Variants in CCDC181 observed in about 807,000 individuals in gnomAD.
CCDC181 encodes coiled-coil domain-containing protein 181.
A neutral mutation model predicts 58.7 loss-of-function variants in CCDC181; 35 were observed. The ratio of observed to expected loss-of-function variants is 0.60; its 90% CI spans 0.46 to 0.79. CCDC181 has a LOEUF of 0.79. Ranked by LOEUF, CCDC181 falls within the 30% of genes least tolerant of loss-of-function variation. CCDC181 has a pLI of 0.00. For synonymous variants in CCDC181, 183 were observed against 197.5 expected (o/e 0.93, Z 0.62); for missense variants, 517 against 583.9 (o/e 0.89, Z 1.18).
intron 2 of CCDC181, among the ~76,000 whole-genome samples, chr1:169,440,407 T>C (rs1201014517): frequency 6.6e-6 from 1 of 152,154 alleles, no homozygotes. Flanking sequence ...AGAATTCCAA[T>C]AGAGAAAGAG....
At chr1:169,443,465 T>G (rs1657289607) in intron 2 of CCDC181, 1 of 152,136 alleles carries the variant, frequency 6.6e-6, no homozygotes, top group Non-Finnish European at 1.5e-5. Context: ...GAATCAGAAT[T>G]TAGCTTTTGA....
At chr1:169,438,986 T>C (rs1198894122) in intron 2 of CCDC181, among the ~76,000 whole-genome samples, 1 of 152,140 alleles carries the variant, frequency 6.6e-6, no homozygotes, top group African/African-American at 2.4e-5. Context: ...CTCCCTGAAA[T>C]CTTCCTGATG....
At chr1:169,400,979 A>C (rs1655310075) in intron 4 of CCDC181, among the ~76,000 whole-genome samples, 1 of 152,238 alleles carries the variant, frequency 6.6e-6, no homozygotes, top group South Asian at 2.1e-4. Context: ...CGGTCTTAGC[A>C]AACGGCACAT....
chr1:169,413,051 G>T (rs1656048734), intron 4 of CCDC181, among the ~76,000 whole-genome samples: 1 of 152,186 alleles, frequency 6.6e-6, no homozygotes, highest in South Asian at 2.1e-4. Context: ...AAGAGCTTCT[G>T]CACAGCAAAA....
intron 3 of CCDC181, 136 bp from the exon 4 acceptor site, chr1:169,419,295 C>T: frequency 9.3e-7 from 1 of 1,074,264 alleles, no homozygotes; most frequent in Non-Finnish European, 1.3e-6. Flanking sequence ...ACTGGTCCTT[C>T]TAGGCCAGAC....
intron 2 of CCDC181, among the ~76,000 whole-genome samples, chr1:169,453,450 A>C (rs569002494): frequency 6.6e-5 from 10 of 152,136 alleles, no homozygotes; most frequent in African/African-American, 2.2e-4. Context: ...ACCCTTTCCT[A>C]GTCTAATATA....
chr1:169,451,174 T>A (rs1657525721), intron 2 of CCDC181: 1 of 152,106 alleles, frequency 6.6e-6, no homozygotes, highest in African/African-American at 2.4e-5. Flanking sequence ...TTTTTCTTTA[T>A]GGCCCTAGGA....
Position 169,444,200 on chromosome 1 carries a change from C to T in CCDC181, c.-24+15597G>A, listed in dbSNP as rs1657310559. ...ACCCTTCATTGGGAAAACTTCCTCTCTTGAACCTTTAAATCAGGATAGTGC... is the reference window on the plus strand; with the variant it reads ...ACCCTTCATTGGGAAAACTTCCTCTTTTGAACCTTTAAATCAGGATAGTGC... On this transcript the variant is annotated intron_variant, in intron 2 of 6. Coordinates refer to the CCDC181 transcript ENST00000545005. Among the ~76,000 whole-genome samples, 8 of 152,192 alleles carry T rather than the reference C, an allele frequency of 5.3e-5. No homozygotes were observed. In the South Asian group the frequency reaches 1.7e-3, roughly 32 times the overall value.
intron 2 of CCDC181, among the ~76,000 whole-genome samples, chr1:169,450,209 C>A (rs1657498034): frequency 6.6e-6 from 1 of 152,144 alleles, no homozygotes; most frequent in Admixed American, 6.5e-5. Context: ...ACTGTCCTTC[C>A]CCTACAGAGG....
intron 2 of CCDC181, among the ~76,000 whole-genome samples, chr1:169,423,715 G>A (rs1206858138): frequency 1.3e-5 from 2 of 151,724 alleles, no homozygotes; most frequent in Non-Finnish European, 2.9e-5. Flanking sequence ...TAATTCTATC[G>A]CACTGTGCTT....
At chr1:169,412,316 A>G (rs974557508) in intron 4 of CCDC181, among the ~76,000 whole-genome samples, 3 of 152,186 alleles carry the variant, frequency 2.0e-5, no homozygotes, top group African/African-American at 4.8e-5. Context: ...ACAACTTACA[A>G]GGGATGTGAA....
chr1:169,440,733 A>G (rs1406626269), intron 2 of CCDC181, among the ~76,000 whole-genome samples: 1 of 152,058 alleles, frequency 6.6e-6, no homozygotes, highest in Non-Finnish European at 1.5e-5. Context: ...CTTGGCCAAC[A>G]TGGCAAAACC....
rs556829734 is a variant in CCDC181, at chr1:169,394,972, A to T, written c.*75T>A. On this transcript the variant is annotated 3_prime_UTR_variant, in exon 6 of 6. Transcript: ENST00000367806. ...CATTTCCATAATTTAGAATACAACCAAAGTACACAGACCCTAAGAAATCAT... is the reference window on the plus strand; with the variant it reads ...CATTTCCATAATTTAGAATACAACCTAAGTACACAGACCCTAAGAAATCAT... The T allele has an allele frequency of 1.3e-3, 1,663 of 1,311,140 alleles. 14 individuals carry two copies. The African/African-American group carries it at 0.021, about 17-fold the overall frequency. 81.2% of individuals were successfully genotyped at this position (1,311,140 alleles called of 1,614,324 possible). A position where few individuals can be genotyped will look rare whatever the true frequency, so the allele number is the denominator to read the frequency against.
intron 2 of CCDC181, among the ~76,000 whole-genome samples, chr1:169,436,276 C>A (rs972201649): frequency 2.0e-5 from 3 of 152,138 alleles, no homozygotes; most frequent in Admixed American, 6.5e-5. Context: ...GCTTAACTAT[C>A]CCAAAGACAG....
At chr1:169,423,989 C>A (rs1312699829) in intron 2 of CCDC181, among the ~76,000 whole-genome samples, 1 of 151,932 alleles carries the variant, frequency 6.6e-6, no homozygotes, top group Non-Finnish European at 1.5e-5. Context: ...TTTTCCTTAA[C>A]ACCTTTAAAA....
At chr1:169,440,876 A>T (rs966310186) in intron 2 of CCDC181, among the ~76,000 whole-genome samples, 18 of 145,586 alleles carry the variant, frequency 1.2e-4, no homozygotes, top group African/African-American at 4.0e-4. Context: ...AGGAGGCTAC[A>T]GTGAGTCATG....
rs75559867 is a variant in CCDC181 at position 169,450,702 on chromosome 1, T to A, written c.-24+9095A>T. 6.9e-3 allele frequency among the ~76,000 whole-genome samples: 1,055 copies of A among 152,298 alleles called. 14 individuals carry two copies. The highest frequency in any genetic ancestry group is 0.025 in the African/African-American group (1,020 of 41,568). ...TAGAATTGTTGGTTTGTACGTAATT[T>A]TTAAGAAGCTAACAATCTGTTTTCA... On this transcript the variant is annotated intron_variant, in intron 2 of 6. Coordinates refer to the CCDC181 transcript ENST00000545005.
intron 2 of CCDC181, among the ~76,000 whole-genome samples, chr1:169,435,751 T>G (rs6427192): frequency 0.72 from 109,433 of 152,070 alleles, 39,561 homozygotes; most frequent in East Asian, 0.94. Flanking sequence ...ATGAAAATAA[T>G]AAAATTTTTA....
At chr1:169,406,700 G>A (rs781322061) in intron 4 of CCDC181, among the ~76,000 whole-genome samples, 9 of 151,942 alleles carry the variant, frequency 5.9e-5, no homozygotes, top group Admixed American at 2.0e-4. Context: ...ATGAGTTAAC[G>A]GGTGCAGCAC....
Sources: allele counts gnomAD v4.1 joint callset (sites outside exome capture counted in the v4.1 genomes callset), GRCh38; gene constraint gnomAD v4.1.1; transcripts MANE v1.5; gene names NCBI Gene and HGNC (gene_info 2026-07-23, HGNC 2026-07-21).